The following PTH2R variants were observed in gnomAD, a reference collection of about 807,000 sequenced individuals.
The protein encoded by PTH2R is PTH2 receptor.
Under a neutral mutation model 60.3 loss-of-function variants are expected in PTH2R, and 59 were observed. The ratio of observed to expected loss-of-function variants is 0.98; its 90% confidence interval spans 0.79 to 1.22. The LOEUF (loss-of-function observed/expected upper bound fraction) is 1.22, where lower values mean the gene tolerates loss of function less well. Ranked by LOEUF, PTH2R falls within the 50% of genes most tolerant of loss-of-function variation. The probability of loss-of-function intolerance (pLI) is 0.00; values close to 1 mark genes in which losing one functional copy is unlikely to be tolerated. For missense variants in PTH2R, 749 were observed against 682.6 expected (o/e 1.10, Z -1.08); for synonymous variants, 256 against 243.8 (o/e 1.05, Z -0.47).
At position 208,444,804 on chromosome 2, in the gene PTH2R, A is replaced by T; in HGVS notation, c.770A>T (p.Glu257Val). Residue 257 changes from glutamate to valine, a missense_variant, in exon 7 of 13, where the codon GAA (glutamate) becomes GTA (valine). Coordinates refer to ENST00000272847, the MANE Select transcript of PTH2R (RefSeq NM_005048.4). ...LATNYYWILVEGLYLHNLIFV... is the reference protein window; with the variant it reads ...LATNYYWILVVGLYLHNLIFV... Reference sequence around the variant, plus strand: ...ACAAATTATTATTGGATCCTGGTGGAAGGTCTCTACCTGCATAATCTCATC... The same window carrying T: ...ACAAATTATTATTGGATCCTGGTGGTAGGTCTCTACCTGCATAATCTCATC... 2 of 1,613,902 alleles carry T rather than the reference A, an allele frequency of 1.2e-6. No individual in the cohort carries two copies. Among genetic ancestry groups the T allele is most frequent in the South Asian group, 2.2e-5 (2 of 91,064 alleles).
intron 1 of PTH2R, among the ~76,000 whole-genome samples, chr2:208,408,764 GAAAT>G (rs145323338): frequency 7.3e-5 from 11 of 149,932 alleles, no homozygotes; most frequent in African/African-American, 2.8e-4. Context: ...GAGAGAGAGA[GAAAT>G]AAATAATAAA....
At chr2:208,386,913 A>G (rs923211919) in intron 1 of PTH2R, among the ~76,000 whole-genome samples, 2 of 152,222 alleles carry the variant, frequency 1.3e-5, no homozygotes, top group South Asian at 2.1e-4. Context: ...GGAGAAGACA[A>G]ACATTCAGCT....
At position 208,463,531 on chromosome 2, in the gene PTH2R, C is replaced by T. The variant is rs1380978442; in HGVS notation, c.981+3570C>T. ...GGCAAGTTATTTAAACTCACAATCCCCTTTTGCCATCTAAAAGATGGGAAT... is the reference window on the plus strand; with the variant it reads ...GGCAAGTTATTTAAACTCACAATCCTCTTTTGCCATCTAAAAGATGGGAAT... On this transcript the variant is annotated intron_variant, in intron 9 of 12. Coordinates refer to ENST00000272847, the MANE Select transcript of PTH2R (RefSeq NM_005048.4). Among the ~76,000 whole-genome samples the T allele has an allele frequency of 3.3e-5, 5 of 152,222 alleles. No homozygotes were observed. In the East Asian group the frequency reaches 9.7e-4, roughly 29 times the overall value.
At chr2:208,424,059 G>A (rs1371980558) in intron 1 of PTH2R, among the ~76,000 whole-genome samples, 1 of 152,162 alleles carries the variant, frequency 6.6e-6, no homozygotes, top group Non-Finnish European at 1.5e-5. Flanking sequence ...ACCACAATGG[G>A]AGTAGCCTTG....
chr2:208,493,892 A>C lies in PTH2R; in HGVS notation c.*233A>C. On this transcript the variant is annotated 3_prime_UTR_variant, in exon 13 of 13. Coordinates refer to ENST00000272847, the MANE Select transcript of PTH2R (RefSeq NM_005048.4). ...TGGCATCAAGTTTTCCTCTAAATTA[A>C]TGTATGGTATTTGCTCTGTGATTGT... The C allele has an allele frequency of 5.2e-6, 2 of 384,682 alleles. No homozygotes were observed. The highest frequency in any genetic ancestry group is 4.6e-6 in the Non-Finnish European group (1 of 217,408). The allele number at this position is 384,682 out of a possible 1,614,324, so 23.8% of individuals were successfully genotyped here. A position where few individuals can be genotyped will look rare whatever the true frequency, so the allele number is the denominator to read the frequency against.
chr2:208,475,203 C>A (rs1702973536), intron 9 of PTH2R, among the ~76,000 whole-genome samples: 1 of 151,954 alleles, frequency 6.6e-6, no homozygotes, highest in African/African-American at 2.4e-5. Context: ...ACAAGGAGAA[C>A]TTTTTTTTAA....
At chr2:208,449,236 C>G (rs769618637) in intron 7 of PTH2R, among the ~76,000 whole-genome samples, 3 of 152,154 alleles carry the variant, frequency 2.0e-5, no homozygotes, top group Non-Finnish European at 2.9e-5. Context: ...TGTCCCCTCC[C>G]CATTACATAG....
intron 10 of PTH2R, among the ~76,000 whole-genome samples, chr2:208,487,997 T>C (rs1330387687): frequency 6.6e-6 from 1 of 152,212 alleles, no homozygotes; most frequent in Admixed American, 6.5e-5. Context: ...TCCCAGGTCT[T>C]GCCTACACTT....
At chr2:208,418,337 C>A (rs1003660657) in intron 1 of PTH2R, among the ~76,000 whole-genome samples, 1 of 151,534 alleles carries the variant, frequency 6.6e-6, no homozygotes, top group Non-Finnish European at 1.5e-5. Context: ...GAGGGACTAC[C>A]TAATGCATGA....
intron 1 of PTH2R, among the ~76,000 whole-genome samples, chr2:208,416,207 G>A (rs934711224): frequency 6.6e-6 from 1 of 152,174 alleles, no homozygotes; most frequent in African/African-American, 2.4e-5. Context: ...AGTTCAACCT[G>A]AAGTGGAGTG....
chr2:208,391,531 A>C lies in PTH2R; in HGVS notation c.-259+31294A>C, dbSNP rs138541238. ...AGGCTGAGAGCTGCTGCTTTGAGCA[A>C]AGCTTGCTTTAGCTTGTCAAAGGCC... On this transcript the variant is annotated intron_variant, in intron 1 of 12. Transcript: ENST00000617735. Among the ~76,000 whole-genome samples, 196 of 152,312 alleles carry C rather than the reference A, an allele frequency of 1.3e-3. 7 individuals are homozygous for C. In the South Asian group the frequency reaches 0.019, roughly 15 times the overall value.
At chr2:208,391,074 T>C (rs1487855670) in intron 1 of PTH2R, among the ~76,000 whole-genome samples, 1 of 152,162 alleles carries the variant, frequency 6.6e-6, no homozygotes, top group African/African-American at 2.4e-5. Flanking sequence ...CCTTCCCAGC[T>C]TGGGCTTAGG....
upstream of PTH2R, among the ~76,000 whole-genome samples, chr2:208,404,390 T>A (rs932086106): frequency 6.6e-6 from 1 of 152,224 alleles, no homozygotes; most frequent in African/African-American, 2.4e-5. Context: ...AGGGAAACTT[T>A]AAGATTGGCG....
chr2:208,435,057 T>C (rs1365448443), intron 2 of PTH2R, among the ~76,000 whole-genome samples: 1 of 152,250 alleles, frequency 6.6e-6, no homozygotes, highest in Non-Finnish European at 1.5e-5. Context: ...GCAAATCAAG[T>C]ATTTGTTTCT....
chr2:208,493,920 A>AT lies in PTH2R; in HGVS notation c.*268dup, dbSNP rs3832071. On this transcript the variant is annotated 3_prime_UTR_variant, in exon 13 of 13. Transcript: ENST00000272847. ...TATGGTATTTGCTCTGTGATTGTTC[A>AT]TTTTTTTCTGCTACTTTTGGGTAGA... The AT allele has an allele frequency of 0.61, 179,578 of 296,770 alleles. 58,298 individuals are homozygous for AT. The highest frequency in any genetic ancestry group is 0.69 in the Admixed American group (13,761 of 19,970). 18.4% of individuals were successfully genotyped at this position (296,770 alleles called of 1,614,324 possible).
chr2:208,372,748 G>A (rs1221432008), intron 1 of PTH2R, among the ~76,000 whole-genome samples: 1 of 152,050 alleles, frequency 6.6e-6, no homozygotes, highest in African/African-American at 2.4e-5. Flanking sequence ...TATTAATGAT[G>A]AAATTAGGAA....
chr2:208,367,096 ATT>A (rs35169172), intron 1 of PTH2R, among the ~76,000 whole-genome samples: 3 of 145,992 alleles, frequency 2.1e-5, no homozygotes, highest in African/African-American at 7.5e-5. Context: ...AACTTCTTTA[ATT>A]TTTTTTTTTT....
intron 1 of PTH2R, among the ~76,000 whole-genome samples, chr2:208,365,599 C>T (rs536336982): frequency 9.2e-5 from 14 of 152,032 alleles, no homozygotes; most frequent in Admixed American, 2.0e-4. Flanking sequence ...TTTTTGACTA[C>T]GTTCATCAGA....
At chr2:208,361,105 A>G (rs551904307) in intron 1 of PTH2R, 142 of 174,694 alleles carry the variant, frequency 8.1e-4, no homozygotes, top group African/African-American at 3.2e-3. Context: ...CCCAGCACAC[A>G]CAGCAGGCAG....
Sources: gnomAD v4.1 joint callset for allele counts (sites outside exome capture counted in the v4.1 genomes callset) on GRCh38, gnomAD v4.1.1 for gene constraint, MANE v1.5 for transcripts, NCBI Gene and HGNC (gene_info 2026-07-23, HGNC 2026-07-21) for gene names.